The following SH3RF1 variants were observed in gnomAD, a reference collection of about 807,000 sequenced individuals.
SH3RF1 encodes E3 ubiquitin-protein ligase SH3RF1.
A neutral mutation model predicts 74.0 loss-of-function variants in SH3RF1; 32 were observed. The ratio of observed to expected loss-of-function variants is 0.43; its 90% confidence interval spans 0.33 to 0.58. The LOEUF (loss-of-function observed/expected upper bound fraction) is 0.58, where lower values mean the gene tolerates loss of function less well. Among genes scored for constraint, SH3RF1 ranks in the 20% least tolerant of loss-of-function variants. SH3RF1 has a pLI of 0.05. For missense variants in SH3RF1, 954 were observed against 1,130.9 expected, an observed-to-expected ratio of 0.84 and a Z score of 2.24; for synonymous variants, 396 against 439.6, an observed-to-expected ratio of 0.90 and a Z score of 1.24.
chr4:169,252,698 G>A (rs1373985299), intron 2 of SH3RF1, among the ~76,000 whole-genome samples: 3 of 152,206 alleles, frequency 2.0e-5, no homozygotes, highest in African/African-American at 7.2e-5. Context: ...GCCAAGAAAC[G>A]ATGACCTTCA....
At chr4:169,248,365 T>C (rs78655121) in intron 2 of SH3RF1, among the ~76,000 whole-genome samples, 1 of 152,178 alleles carries the variant, frequency 6.6e-6, no homozygotes, top group South Asian at 2.1e-4. Context: ...GAAACCATCA[T>C]TCTCAGCAAA....
intron 2 of SH3RF1, among the ~76,000 whole-genome samples, chr4:169,167,399 A>T (rs911143269): frequency 6.6e-6 from 1 of 152,192 alleles, no homozygotes; most frequent in African/African-American, 2.4e-5. Context: ...AAATTCTTAT[A>T]AAGTTATATG....
chr4:169,260,734 T>C (rs1002098562), intron 2 of SH3RF1, among the ~76,000 whole-genome samples: 2 of 152,048 alleles, frequency 1.3e-5, no homozygotes, highest in African/African-American at 2.4e-5. Context: ...ATAGTGATAA[T>C]AAATGAAGGA....
intron 2 of SH3RF1, among the ~76,000 whole-genome samples, chr4:169,183,796 A>T (rs1456092689): frequency 1.3e-5 from 2 of 152,144 alleles, no homozygotes; most frequent in Admixed American, 1.3e-4. Context: ...AACTGGAAAA[A>T]AAAAGTCAAC....
chr4:169,157,288 G>A (rs576606815), intron 2 of SH3RF1, among the ~76,000 whole-genome samples: 15 of 152,310 alleles, frequency 9.8e-5, no homozygotes, highest in African/African-American at 3.6e-4. Flanking sequence ...TGAGTGAACA[G>A]TCACAGTACC....
chr4:169,106,668 A>G (rs2126937882), intron 11 of SH3RF1, among the ~76,000 whole-genome samples, 179 bp downstream of exon 11: 1 of 152,308 alleles, frequency 6.6e-6, no homozygotes, highest in East Asian at 1.9e-4. Flanking sequence ...CACGGAAGGA[A>G]AAAGGAAAAC....
chr4:169,229,829 A>G (rs1730706244), intron 2 of SH3RF1, among the ~76,000 whole-genome samples: 2 of 152,220 alleles, frequency 1.3e-5, no homozygotes, highest in South Asian at 4.1e-4. Context: ...AATTGCAACT[A>G]CAATTAAAAT....
intron 2 of SH3RF1, among the ~76,000 whole-genome samples, chr4:169,258,040 T>G (rs373076612): frequency 6.6e-6 from 1 of 152,218 alleles, no homozygotes; most frequent in Non-Finnish European, 1.5e-5. Context: ...TCCTAAATGT[T>G]TGATATCAAA....
chr4:169,121,655 T>C (rs1025481267), intron 7 of SH3RF1, among the ~76,000 whole-genome samples: 1 of 152,194 alleles, frequency 6.6e-6, no homozygotes, highest in Admixed American at 6.5e-5. Flanking sequence ...AATTACACAA[T>C]GCAGGATCCA....
At chr4:169,195,934 C>T (rs956387020) in intron 2 of SH3RF1, among the ~76,000 whole-genome samples, 2 of 151,992 alleles carry the variant, frequency 1.3e-5, no homozygotes, top group Admixed American at 1.3e-4. Flanking sequence ...CTGCAACCTC[C>T]ACCTCCCCAG....
intron 5 of SH3RF1, among the ~76,000 whole-genome samples, chr4:169,131,539 T>C (rs1303513829): frequency 2.0e-5 from 3 of 152,218 alleles, no homozygotes; most frequent in Non-Finnish European, 4.4e-5. Flanking sequence ...GGAAGCACAC[T>C]GGTTTCAAAG....
intron 6 of SH3RF1, among the ~76,000 whole-genome samples, chr4:169,125,687 G>A (rs547294312): frequency 1.3e-5 from 2 of 152,270 alleles, no homozygotes; most frequent in South Asian, 2.1e-4. Context: ...GGTCCCTTGG[G>A]CAAATATTAT....
At chr4:169,100,013 G>A (rs970921250) in intron 11 of SH3RF1, among the ~76,000 whole-genome samples, 2 of 152,148 alleles carry the variant, frequency 1.3e-5, no homozygotes, top group Non-Finnish European at 2.9e-5. Flanking sequence ...ATACAGATTT[G>A]TAAGGCCAAA....
Position 169,161,498 on chromosome 4 carries a change from T to C in SH3RF1, c.394-4819A>G, listed in dbSNP as rs544188203. ...CCAATACATCTGGCAAAATGCTACT[T>C]GATGAACTAGCTGAGATTCTAACAG... is the stretch of plus-strand genomic sequence containing the variant. On this transcript the variant is annotated intron_variant, in intron 2 of 11. Coordinates refer to ENST00000284637, the MANE Select transcript of SH3RF1 (RefSeq NM_020870.4). 3.3e-5 allele frequency among the ~76,000 whole-genome samples: 5 copies of C among 152,358 alleles called. No homozygotes were observed. The East Asian group carries it at 7.7e-4, about 23-fold the overall frequency.
At chr4:169,100,313 T>C (rs180715776) in intron 11 of SH3RF1, among the ~76,000 whole-genome samples, 2 of 152,318 alleles carry the variant, frequency 1.3e-5, no homozygotes, top group African/African-American at 2.4e-5. Flanking sequence ...ACTATCCTGG[T>C]TGATGACTTC....
At chr4:169,231,643 A>G (rs1167157945) in intron 2 of SH3RF1, among the ~76,000 whole-genome samples, 1 of 152,156 alleles carries the variant, frequency 6.6e-6, no homozygotes, top group Non-Finnish European at 1.5e-5. Flanking sequence ...CTAAATAACT[A>G]AGATTAGTTT....
At chr4:169,176,112 C>A (rs895504649) in intron 2 of SH3RF1, among the ~76,000 whole-genome samples, 2 of 152,294 alleles carry the variant, frequency 1.3e-5, no homozygotes, top group Admixed American at 1.3e-4. Context: ...CAGATTCTGC[C>A]AGCTCCTTGA....
chr4:169,154,202 T>C (rs977309026), intron 4 of SH3RF1, among the ~76,000 whole-genome samples: 1 of 152,184 alleles, frequency 6.6e-6, no homozygotes, highest in Non-Finnish European at 1.5e-5. Flanking sequence ...TTTTTTTCTG[T>C]TGTTTGCTTT....
chr4:169,161,189 C>T (rs1453019198), intron 2 of SH3RF1, among the ~76,000 whole-genome samples: 3 of 152,216 alleles, frequency 2.0e-5, no homozygotes, highest in African/African-American at 7.2e-5. Context: ...CTTGGGTTTG[C>T]GGCTTGTCAT....
Sources: allele counts gnomAD v4.1 joint callset (sites outside exome capture counted in the v4.1 genomes callset), GRCh38; gene constraint gnomAD v4.1.1; transcripts MANE v1.5; gene names NCBI Gene and HGNC (gene_info 2026-07-23, HGNC 2026-07-21).